RPAP3: variants seen among roughly 807,000 people sequenced by gnomAD.
RPAP3 encodes RNA polymerase II associated protein 3.
Under a neutral mutation model 88.8 loss-of-function variants are expected in RPAP3, and 58 were observed. That is an observed-to-expected ratio of 0.65 (90% CI 0.53 to 0.81). The LOEUF (loss-of-function observed/expected upper bound fraction) is 0.81. RPAP3 is among the 40% of genes least tolerant of loss of function. The pLI, the probability that RPAP3 is intolerant of heterozygous loss-of-function variation, is 0.00. For missense variants in RPAP3, 751 were observed against 764.3 expected (o/e 0.98, Z 0.20); for synonymous variants, 255 against 259.9 (o/e 0.98, Z 0.18).
rs1424180325 is a variant in RPAP3, at chr12:47,661,786, A to G, written c.*1719T>C. 1 of 152,170 alleles carries G rather than the reference A, an allele frequency of 6.6e-6. No individual in the cohort carries two copies. The highest frequency in any genetic ancestry group is 1.5e-5 in the Non-Finnish European group (1 of 68,030). 9.4% of individuals were successfully genotyped at this position (152,170 alleles called of 1,614,324 possible). On this transcript the variant is annotated 3_prime_UTR_variant, in exon 17 of 17. Coordinates refer to ENST00000005386, the MANE Select transcript of RPAP3 (RefSeq NM_024604.3). Reference sequence around the variant, plus strand: ...GTTTTGGCCAATTTTTAGCTCTATAATCATGCAGAGAACATTAACCCTCTG... The same window carrying G: ...GTTTTGGCCAATTTTTAGCTCTATAGTCATGCAGAGAACATTAACCCTCTG...
At chr12:47,673,766 A>G (rs921828638) in intron 12 of RPAP3, among the ~76,000 whole-genome samples, 2 of 152,070 alleles carry the variant, frequency 1.3e-5, no homozygotes, top group Admixed American at 1.3e-4. Flanking sequence ...CGGTGATTTC[A>G]TGGGTGTTCA....
At chr12:47,702,003 A>T (rs1376288777) in intron 2 of RPAP3, among the ~76,000 whole-genome samples, 2 of 152,246 alleles carry the variant, frequency 1.3e-5, no homozygotes, top group Non-Finnish European at 2.9e-5. Context: ...GTCTTAAGAA[A>T]AACTTTTGGT....
At chr12:47,684,847 C>G (rs1939290966) in intron 9 of RPAP3, among the ~76,000 whole-genome samples, 1 of 152,182 alleles carries the variant, frequency 6.6e-6, no homozygotes, top group Admixed American at 6.5e-5. Flanking sequence ...GATCTTCACT[C>G]TGACTAGTCA....
intron 3 of RPAP3, among the ~76,000 whole-genome samples, chr12:47,700,909 G>A (rs964423104): frequency 1.3e-5 from 2 of 152,194 alleles, no homozygotes; most frequent in Middle Eastern, 3.2e-3. Flanking sequence ...TTTTCTGGGA[G>A]TATCTTAGAA....
At chr12:47,683,972 A>AT (rs1448844891) in intron 9 of RPAP3, among the ~76,000 whole-genome samples, 3 of 152,106 alleles carry the variant, frequency 2.0e-5, no homozygotes, top group African/African-American at 7.2e-5. Flanking sequence ...CCCAAATCTA[A>AT]TATCTAATAC....
In RPAP3 at chr12:47,669,119, G is replaced by A. The variant is rs747651324; in HGVS notation, c.1527-17C>T. On this transcript the variant is annotated splice_polypyrimidine_tract_variant and intron_variant, in intron 13 of 16. Coordinates refer to ENST00000005386, the MANE Select transcript of RPAP3 (RefSeq NM_024604.3). The stretch of plus-strand genomic sequence containing the variant: ...GCTTGAGGTCTGAAATATTTCAGAG[G>A]TATCAAACAGAAAAGAACCATAAAT... The A allele has an allele frequency of 6.4e-7, 1 of 1,573,838 alleles. No homozygotes were observed. The highest frequency in any genetic ancestry group is 8.7e-7 in the Non-Finnish European group (1 of 1,148,398).
Position 47,702,312 on chromosome 12 carries a change from G to A in RPAP3, c.153+376C>T, listed in dbSNP as rs182174420. Among the ~76,000 whole-genome samples the A allele has an allele frequency of 1.6e-4, 25 of 152,232 alleles. No homozygotes were observed. The East Asian group carries it at 2.9e-3, about 18-fold the overall frequency. ...TGTAATCCCAGCACTTCGGGAGGCC[G>A]AGGTGGGTGGATCACTTGAGGTCAA... On this transcript the variant is annotated intron_variant, in intron 2 of 16. Coordinates refer to ENST00000005386, the MANE Select transcript of RPAP3 (RefSeq NM_024604.3).
intron 9 of RPAP3, among the ~76,000 whole-genome samples, chr12:47,682,145 G>A (rs762594164): frequency 3.9e-5 from 6 of 151,966 alleles, no homozygotes; most frequent in Non-Finnish European, 8.8e-5. Context: ...ATATGCACAG[G>A]TATTACATTA....
At chr12:47,690,702 CA>C in intron 5 of RPAP3, 63 bp from the exon 6 acceptor site, 1 of 1,198,798 alleles carries the variant, frequency 8.3e-7, no homozygotes, top group Non-Finnish European at 1.1e-6. Context: ...ACCAAAACTT[CA>C]AAATTTGTTT....
rs1939754119 is a variant in RPAP3 at position 47,704,988 on chromosome 12, A to C, written c.-7+964T>G. On this transcript the variant is annotated intron_variant, in intron 1 of 16. Coordinates refer to ENST00000005386, the MANE Select transcript of RPAP3 (RefSeq NM_024604.3). ...ACTACACTCCAGCCTGGGACCAAAA[A>C]AAAAGGAGGGGGGGGAATGAAATGA... 2.0e-5 allele frequency among the ~76,000 whole-genome samples: 3 copies of C among 152,120 alleles called. No individual in the cohort carries two copies. The South Asian group carries it at 6.2e-4, about 32-fold the overall frequency.
intron 2 of RPAP3, 66 bp from the exon 3 acceptor site, chr12:47,701,670 T>TG (rs1291927155): frequency 6.4e-6 from 8 of 1,254,718 alleles, no homozygotes; most frequent in Non-Finnish European, 8.4e-6. Context: ...TATAACTAGC[T>TG]ATGTTTAAAA....
At chr12:47,678,447 T>C (rs1046765130) in intron 12 of RPAP3, among the ~76,000 whole-genome samples, 2 of 152,084 alleles carry the variant, frequency 1.3e-5, no homozygotes, top group African/African-American at 4.8e-5. Context: ...GAAAGTACCA[T>C]CAGAGTGAAC....
intron 5 of RPAP3, among the ~76,000 whole-genome samples, chr12:47,691,715 G>A (rs1028481366): frequency 1.3e-4 from 20 of 152,104 alleles, no homozygotes; most frequent in African/African-American, 4.3e-4. Flanking sequence ...GAGTAGGTGC[G>A]CTGTCAGTAC....
chr12:47,697,946 A>G (rs1939568887), intron 3 of RPAP3, among the ~76,000 whole-genome samples: 1 of 152,210 alleles, frequency 6.6e-6, no homozygotes, highest in Non-Finnish European at 1.5e-5. Context: ...CTTTGAACTC[A>G]TAAAGCTAAG....
At chr12:47,665,629 A>T (rs1565711815) in intron 16 of RPAP3, among the ~76,000 whole-genome samples, 1 of 150,052 alleles carries the variant, frequency 6.7e-6, no homozygotes, top group Non-Finnish European at 1.5e-5. Flanking sequence ...TTTAATATAT[A>T]TTTTTTTATT....
At chr12:47,666,400 C>T (rs1166924958) in intron 16 of RPAP3, among the ~76,000 whole-genome samples, 1 of 152,198 alleles carries the variant, frequency 6.6e-6, no homozygotes, top group Non-Finnish European at 1.5e-5. Context: ...AGAACCACTA[C>T]ATGTATCATT....
chr12:47,701,676 T>G, intron 2 of RPAP3, 72 bp from the exon 3 acceptor site: 1 of 1,193,234 alleles, frequency 8.4e-7, no homozygotes, highest in Non-Finnish European at 1.1e-6. Flanking sequence ...TAGCTATGTT[T>G]AAAATTCTCA....
At position 47,679,609 on chromosome 12, in the gene RPAP3, T is replaced by C; in HGVS notation, c.1186-15A>G. On this transcript the variant is annotated splice_polypyrimidine_tract_variant and intron_variant, in intron 11 of 16. Coordinates refer to ENST00000005386, the MANE Select transcript of RPAP3 (RefSeq NM_024604.3). ...TCAATTAATTCCTTGAAAATAAATTTATAACCCTAACTTTCAAAATATTTA... is the reference window on the plus strand; with the variant it reads ...TCAATTAATTCCTTGAAAATAAATTCATAACCCTAACTTTCAAAATATTTA... 1 of 1,558,926 alleles carries C rather than the reference T, an allele frequency of 6.4e-7. No homozygotes were observed.
At chr12:47,702,618 T>C (rs1199808638) in intron 2 of RPAP3, 70 bp downstream of exon 2, 2 of 1,268,834 alleles carry the variant, frequency 1.6e-6, no homozygotes, top group Non-Finnish European at 1.1e-6. Flanking sequence ...TCACAAAACA[T>C]TTTTAAAAGT....
Sources: gnomAD v4.1 joint callset for allele counts (sites outside exome capture counted in the v4.1 genomes callset) on GRCh38, gnomAD v4.1.1 for gene constraint, MANE v1.5 for transcripts, NCBI Gene and HGNC (gene_info 2026-07-23, HGNC 2026-07-21) for gene names.